CAMK1: variants seen among roughly 807,000 people sequenced by gnomAD.
The protein encoded by CAMK1 is calcium/calmodulin dependent protein kinase I, also known as calcium/calmodulin-dependent protein kinase type 1.
CAMK1 carries 39 observed loss-of-function variants against 49.1 expected under a neutral mutation model. The observed-to-expected ratio is 0.79, with a 90% confidence interval of 0.62 to 1.04. CAMK1 has a LOEUF of 1.04. Ranked by LOEUF, CAMK1 falls within the 50% of genes least tolerant of loss-of-function variation. CAMK1 has a pLI of 0.00. For synonymous variants in CAMK1, 192 were observed against 185.2 expected (o/e 1.04, Z -0.30); for missense variants, 457 against 472.2 (o/e 0.97, Z 0.30).
At chr3:9,766,534 C>G in intron 2 of CAMK1, 1 of 497,036 alleles carries the variant, frequency 2.0e-6, no homozygotes, top group Non-Finnish European at 3.1e-6. Context: ...CCCAGATTTA[C>G]TAAATCAATC....
intron 5 of CAMK1, 36 bp downstream of exon 5, chr3:9,762,878 G>C: frequency 1.2e-6 from 2 of 1,609,382 alleles, no homozygotes; most frequent in Non-Finnish European, 1.7e-6. Flanking sequence ...CCCCACCCCT[G>C]GGTACCCTAG....
intron 8 of CAMK1, 26 bp downstream of exon 8, chr3:9,760,630 G>A (rs759601422): frequency 6.2e-7 from 1 of 1,612,408 alleles, no homozygotes; most frequent in South Asian, 1.1e-5. Flanking sequence ...GCAGGGCCCA[G>A]GGGAAAAAAG....
At chr3:9,763,777 G>C (rs889472695) in intron 3 of CAMK1, among the ~76,000 whole-genome samples, 1 of 152,152 alleles carries the variant, frequency 6.6e-6, no homozygotes, top group African/African-American at 2.4e-5. Flanking sequence ...CTTGAGGTCA[G>C]GAGTTCGAGA....
At position 9,763,110 on chromosome 3, in the gene CAMK1, G is replaced by A. The variant is rs746451289; in HGVS notation, c.290+29C>T. ...GGGTTGGGACAGCTGGGAGAGGTGT[G>A]GGGGCAGGGCAGAGGTTGGGCCACT... On this transcript the variant is annotated intron_variant, in intron 4 of 11. Coordinates refer to ENST00000256460, the MANE Select transcript of CAMK1 (RefSeq NM_003656.5). 2.5e-6 allele frequency: 4 copies of A among 1,614,018 alleles called. No individual in the cohort carries two copies. In the South Asian group the frequency reaches 3.3e-5, roughly 13 times the overall value.
intron 8 of CAMK1, chr3:9,760,144 T>A (rs1448359926): frequency 4.9e-6 from 1 of 204,764 alleles, no homozygotes; most frequent in Non-Finnish European, 1.0e-5. Context: ...CTTGGGAGGC[T>A]GAGGCAGAGA....
rs558467198 is a variant in CAMK1 at position 9,757,679 on chromosome 3, G to A, written c.1030+50C>T. 13 of 1,613,900 alleles carry A rather than the reference G, an allele frequency of 8.1e-6. No individual in the cohort carries two copies. The highest frequency in any genetic ancestry group is 4.0e-5 in the African/African-American group (3 of 74,930). On this transcript the variant is annotated intron_variant, in intron 11 of 11. Transcript: ENST00000256460. This position sits in a 1 kb window ranked among gnomAD's most constrained non-coding sequence, Gnocchi z 4.5. ...GGGGCAGGCCCTCCACTCCAGCCCG[G>A]GTGCACCTTTGTGGACCACCCATGC...
intron 1 of CAMK1, among the ~76,000 whole-genome samples, chr3:9,769,511 C>A (rs1040290612): frequency 3.3e-5 from 5 of 152,314 alleles, no homozygotes; most frequent in Admixed American, 2.6e-4. Context: ...CTGACCCACA[C>A]GCCTGTCCTA....
Position 9,762,992 on chromosome 3 carries a change from G to GTCC in CAMK1, c.348_350dup (p.Arg116_Asp117insGlu), listed in dbSNP as rs745732244. 3 of 1,614,144 alleles carry GTCC rather than the reference G, an allele frequency of 1.9e-6. No homozygotes were observed. In the Admixed American group the frequency reaches 5.0e-5, roughly 27 times the overall value. On this transcript the variant is annotated inframe_insertion, in exon 5 of 12. Transcript: ENST00000256460. The stretch of plus-strand genomic sequence containing the variant: ...GCACCTGGAAGATGAGGCGGCTGGC[G>GTCC]TCCCGCTCCGTGTAGAAGCCTTTTT...
At position 9,760,692 on chromosome 3, in the gene CAMK1, A is replaced by C; in HGVS notation, c.709T>G (p.Phe237Val). Residue 237 changes from phenylalanine (F) to valine (V), a missense_variant, in exon 8 of 12, where the codon TTT becomes GTT. Coordinates refer to ENST00000256460, the MANE Select transcript of CAMK1 (RefSeq NM_003656.5). Reference sequence around the variant, plus strand: ...ATGTCGTCCCAGTAAGGAGAGTCAAACTCGTACTCGGCCTTCAAAATCTGT... The same window carrying C: ...ATGTCGTCCCAGTAAGGAGAGTCAACCTCGTACTCGGCCTTCAAAATCTGT... The part of the protein sequence containing the change: ...FEQILKAEYE[F>V]DSPYWDDISD... The C allele has an allele frequency of 6.2e-7, 1 of 1,613,974 alleles. No homozygotes were observed. The highest frequency in any genetic ancestry group is 8.5e-7 in the Non-Finnish European group (1 of 1,179,960).
At chr3:9,763,277 T>C (rs1459877057) in intron 3 of CAMK1, 64 bp from the exon 4 acceptor site, 5 of 1,602,950 alleles carry the variant, frequency 3.1e-6, no homozygotes, top group Non-Finnish European at 4.3e-6. Context: ...CCAAGCTACT[T>C]GGGAACTTGG....
Position 9,759,160 on chromosome 3 carries a change from C to T in CAMK1, c.912+328G>A, listed in dbSNP as rs769626758. On this transcript the variant is annotated intron_variant, in intron 10 of 11. Transcript: ENST00000256460. Reference sequence around the variant, plus strand: ...TGGCTATAGACATTATTCCGCTATGCCTCACTAATTCCTACTTAACTGACA... The same window carrying T: ...TGGCTATAGACATTATTCCGCTATGTCTCACTAATTCCTACTTAACTGACA... The T allele has an allele frequency of 5.2e-6, 8 of 1,540,332 alleles. No individual in the cohort carries two copies. In the Admixed American group the frequency reaches 1.2e-4, roughly 22 times the overall value.
intron 3 of CAMK1, 77 bp from the exon 4 acceptor site, chr3:9,763,290 G>A (rs2125584236): frequency 1.9e-6 from 3 of 1,583,764 alleles, no homozygotes; most frequent in South Asian, 2.3e-5. Flanking sequence ...GAACTTGGGA[G>A]GCTGAGGCAG....
chr3:9,757,483 A>G lies in CAMK1; in HGVS notation c.*56T>C. On this transcript the variant is annotated 3_prime_UTR_variant, in exon 12 of 12. Coordinates refer to ENST00000256460, the MANE Select transcript of CAMK1 (RefSeq NM_003656.5). This position sits in a 1 kb window ranked among gnomAD's most constrained non-coding sequence, Gnocchi z 4.5. Reference sequence around the variant, plus strand: ...ACTCCCGGTTCAGGGAGGGAAGGGGAGCAGGCTGCCCCCAAGCCCTCCCAC... The same window carrying G: ...ACTCCCGGTTCAGGGAGGGAAGGGGGGCAGGCTGCCCCCAAGCCCTCCCAC... 1 of 1,603,048 alleles carries G rather than the reference A, an allele frequency of 6.2e-7. No individual in the cohort carries two copies. Among genetic ancestry groups the G allele is most frequent in the Non-Finnish European group, 8.5e-7 (1 of 1,172,892 alleles).
chr3:9,766,427 C>G, intron 2 of CAMK1: 1 of 456,030 alleles, frequency 2.2e-6, no homozygotes, highest in Non-Finnish European at 4.1e-6. Flanking sequence ...CCATCAGCAT[C>G]ACCCGGGAAC....
At chr3:9,759,127 TC>T in intron 10 of CAMK1, 1 of 1,384,772 alleles carries the variant, frequency 7.2e-7, no homozygotes, top group Non-Finnish European at 1.0e-6. Flanking sequence ...CACTTGCACT[TC>T]CCGGAATGGC....
chr3:9,767,945 A>G, intron 1 of CAMK1, 164 bp from the exon 2 acceptor site: 1 of 727,384 alleles, frequency 1.4e-6, no homozygotes, highest in Non-Finnish European at 1.7e-6. Flanking sequence ...ACATTCAGCA[A>G]ATTCTCATGC....
chr3:9,761,313 G>T, intron 7 of CAMK1, 148 bp downstream of exon 7: 1 of 777,800 alleles, frequency 1.3e-6, no homozygotes, highest in Non-Finnish European at 2.0e-6. Flanking sequence ...AGTATCTATT[G>T]AATGAAGTAA....
chr3:9,761,190 TTGTC>T (rs1445016595), intron 7 of CAMK1: 7 of 415,226 alleles, frequency 1.7e-5, no homozygotes, highest in Middle Eastern at 6.6e-4. Flanking sequence ...TACTTGTTGA[TTGTC>T]TGTCTTCCCT....
intron 5 of CAMK1, chr3:9,762,469 C>CGG (rs2077929205): frequency 6.3e-6 from 1 of 159,610 alleles, no homozygotes; most frequent in South Asian, 1.8e-4. Flanking sequence ...CTCTGCCTCC[C>CGG]GGGTCCAAGT....
Sources: allele counts gnomAD v4.1 joint callset (sites outside exome capture counted in the v4.1 genomes callset), GRCh38; gene constraint gnomAD v4.1.1; non-coding constraint Gnocchi (gnomAD v3.1); transcripts MANE v1.5; gene names NCBI Gene and HGNC (gene_info 2026-07-23, HGNC 2026-07-21).